Variants in NFX1 observed in about 807,000 individuals in gnomAD.
NFX1 encodes transcriptional repressor NF-X1.
NFX1 carries 69 observed loss-of-function variants against 137.2 expected under a neutral mutation model. That is an observed-to-expected ratio of 0.50 (90% CI 0.41 to 0.61). The LOEUF is 0.61. Ranked by LOEUF, NFX1 falls within the 20% of genes least tolerant of loss-of-function variation. NFX1 has a pLI of 0.00. For synonymous variants in NFX1, 495 were observed against 474.1 expected (o/e 1.04, Z -0.57); for missense variants, 1,167 against 1,391.0 (o/e 0.84, Z 2.56).
intron 9 of NFX1, among the ~76,000 whole-genome samples, chr9:33,327,855 G>T (rs1822653385): frequency 1.3e-5 from 2 of 152,280 alleles, no homozygotes; most frequent in Non-Finnish European, 1.5e-5. Flanking sequence ...GCTCTAGTCA[G>T]TCAGACTGTG....
At chr9:33,321,544 C>T (rs1050761917) in intron 9 of NFX1, among the ~76,000 whole-genome samples, 2 of 152,116 alleles carry the variant, frequency 1.3e-5, no homozygotes, top group Non-Finnish European at 2.9e-5. Context: ...AGATCTGCTT[C>T]CCAGTAAAGC....
chr9:33,363,245 A>T (rs993626773), intron 19 of NFX1, among the ~76,000 whole-genome samples: 1 of 149,212 alleles, frequency 6.7e-6, no homozygotes, highest in Non-Finnish European at 1.5e-5. Flanking sequence ...GTCAATAAAA[A>T]TAAAATAATA....
At chr9:33,344,770 G>A (rs995100264) in intron 14 of NFX1, among the ~76,000 whole-genome samples, 31 of 152,052 alleles carry the variant, frequency 2.0e-4, no homozygotes, top group Non-Finnish European at 2.5e-4. Context: ...GGAGGCTGAG[G>A]CAGGAGAATC....
intron 9 of NFX1, among the ~76,000 whole-genome samples, chr9:33,324,038 T>TC (rs1481294569): frequency 6.6e-6 from 1 of 152,180 alleles, no homozygotes; most frequent in Non-Finnish European, 1.5e-5. Context: ...GCCCAGGAGT[T>TC]CAAGACCAGC....
At chr9:33,290,906 C>A (rs1821135114) in intron 1 of NFX1, among the ~76,000 whole-genome samples, 1 of 152,200 alleles carries the variant, frequency 6.6e-6, no homozygotes, top group African/African-American at 2.4e-5. Context: ...CTTCGACAGG[C>A]GGGCGTCGGC....
intron 2 of NFX1, among the ~76,000 whole-genome samples, chr9:33,296,309 C>T (rs1454613393): frequency 6.6e-6 from 1 of 152,250 alleles, no homozygotes; most frequent in Non-Finnish European, 1.5e-5. Context: ...TCTGCTGCCT[C>T]AATATCTACC....
intron 11 of NFX1, among the ~76,000 whole-genome samples, chr9:33,336,713 A>C (rs1257947904): frequency 6.6e-6 from 1 of 152,060 alleles, no homozygotes; most frequent in East Asian, 1.9e-4. Context: ...TGGTCCTCCC[A>C]CACAAGCCTC....
At chr9:33,306,465 G>A (rs1417799564) in intron 4 of NFX1, among the ~76,000 whole-genome samples, 1 of 152,182 alleles carries the variant, frequency 6.6e-6, no homozygotes, top group Non-Finnish European at 1.5e-5. Flanking sequence ...GGGGATCAAT[G>A]GCCTTTAGGT....
intron 11 of NFX1, among the ~76,000 whole-genome samples, chr9:33,334,441 C>T (rs1048583835): frequency 3.9e-5 from 6 of 152,068 alleles, no homozygotes; most frequent in South Asian, 4.2e-4. Flanking sequence ...GGTGACAGAG[C>T]GAGACCCTAT....
intron 11 of NFX1, among the ~76,000 whole-genome samples, chr9:33,333,445 G>C (rs1822886169): frequency 6.6e-6 from 1 of 152,176 alleles, no homozygotes; most frequent in Admixed American, 6.5e-5. Context: ...TGGTTTTCTT[G>C]ATTTTCTCCT....
intron 6 of NFX1, among the ~76,000 whole-genome samples, chr9:33,311,605 T>C (rs1481420471): frequency 1.3e-5 from 2 of 151,604 alleles, no homozygotes; most frequent in Admixed American, 6.6e-5. Context: ...CATGCTGGAG[T>C]GCAGTGGTGC....
At chr9:33,343,818 G>A (rs1043560523) in intron 13 of NFX1, among the ~76,000 whole-genome samples, 3 of 152,060 alleles carry the variant, frequency 2.0e-5, no homozygotes, top group African/African-American at 7.2e-5. Context: ...AATATGTTGG[G>A]AAAAGTATTG....
chr9:33,313,547 A>ACCC, intron 6 of NFX1, 107 bp from the exon 7 acceptor site: 1 of 1,033,114 alleles, frequency 9.7e-7, no homozygotes, highest in Middle Eastern at 2.5e-4. Context: ...GAAGTTAGAG[A>ACCC]AAGGCTTAGT....
At chr9:33,321,334 G>C (rs1356686511) in intron 9 of NFX1, among the ~76,000 whole-genome samples, 1 of 152,158 alleles carries the variant, frequency 6.6e-6, no homozygotes, top group Non-Finnish European at 1.5e-5. Flanking sequence ...AGGCTGAGTT[G>C]ACTGAGAAGC....
In NFX1 at chr9:33,355,578, A is replaced by T. The variant is rs568713086; in HGVS notation, c.2873+686A>T. On this transcript the variant is annotated intron_variant, in intron 19 of 23. Coordinates refer to ENST00000379540, the MANE Select transcript of NFX1 (RefSeq NM_002504.6). Reference sequence around the variant, plus strand: ...TTGTATTACTATTCATTTACCCATTATACTGTTAATGGATATCTTTGTATT... The same window carrying T: ...TTGTATTACTATTCATTTACCCATTTTACTGTTAATGGATATCTTTGTATT... 1.3e-5 allele frequency among the ~76,000 whole-genome samples: 2 copies of T among 149,140 alleles called. 1 individual carries two copies. The highest frequency in any genetic ancestry group is 4.2e-4 in the South Asian group (2 of 4,748).
intron 11 of NFX1, among the ~76,000 whole-genome samples, chr9:33,334,231 G>GA (rs1407058597): frequency 6.6e-6 from 1 of 152,182 alleles, no homozygotes; most frequent in Non-Finnish European, 1.5e-5. Flanking sequence ...AGGGCTGGGG[G>GA]ATCACTTAAA....
At chr9:33,360,357 T>C (rs1325430758) in intron 19 of NFX1, among the ~76,000 whole-genome samples, 1 of 152,216 alleles carries the variant, frequency 6.6e-6, no homozygotes, top group Non-Finnish European at 1.5e-5. Flanking sequence ...TAACAGTATT[T>C]ACCTTCCAGA....
chr9:33,328,780 G>T, intron 10 of NFX1, 102 bp downstream of exon 10: 1 of 939,014 alleles, frequency 1.1e-6, no homozygotes. Flanking sequence ...ATTAGGTATG[G>T]GAAGTGGTTG....
chr9:33,308,034 G>T (rs947810797), intron 5 of NFX1, among the ~76,000 whole-genome samples: 1 of 151,844 alleles, frequency 6.6e-6, no homozygotes, highest in Non-Finnish European at 1.5e-5. Flanking sequence ...CGAACTCCTG[G>T]GCTCAAGCAA....
Sources: allele counts gnomAD v4.1 joint callset (sites outside exome capture counted in the v4.1 genomes callset), GRCh38; gene constraint gnomAD v4.1.1; transcripts MANE v1.5; gene names NCBI Gene and HGNC (gene_info 2026-07-23, HGNC 2026-07-21).